Variants in WARS2 observed in about 807,000 individuals in gnomAD.
WARS2 encodes tryptophan--tRNA ligase, mitochondrial.
A neutral mutation model predicts 36.5 loss-of-function variants in WARS2; 28 were observed. That is an observed-to-expected ratio of 0.77 (90% CI 0.57 to 1.05). WARS2 has a LOEUF of 1.05. Among genes scored for constraint, WARS2 ranks in the 50% least tolerant of loss-of-function variants. The pLI, the probability that WARS2 is intolerant of heterozygous loss-of-function variation, is 0.00. For missense variants in WARS2, 435 were observed against 456.8 expected (o/e 0.95, Z 0.44); for synonymous variants, 174 against 178.4 (o/e 0.98, Z 0.20).
intron 1 of WARS2, among the ~76,000 whole-genome samples, chr1:119,102,342 C>T (rs981127929): frequency 2.0e-5 from 3 of 152,176 alleles, no homozygotes; most frequent in South Asian, 2.1e-4. Flanking sequence ...TCTATTTAAC[C>T]GGTAACCTCA....
At chr1:119,040,020 C>T (rs1351894795) in intron 4 of WARS2, among the ~76,000 whole-genome samples, 1 of 152,146 alleles carries the variant, frequency 6.6e-6, no homozygotes, top group African/African-American at 2.4e-5. Context: ...ATAAAAATAC[C>T]TTCAAGTGCT....
intron 3 of WARS2, among the ~76,000 whole-genome samples, chr1:119,042,655 G>A (rs1034789437): frequency 2.0e-5 from 3 of 151,634 alleles, no homozygotes; most frequent in Admixed American, 6.6e-5. Context: ...GTTCCAAATC[G>A]GATAAATTCC....
Position 119,045,624 on chromosome 1 carries a change from G to T in WARS2, c.387C>A (p.Cys129Ter). Residue 129 changes from cysteine (C) to a stop codon, truncating the protein, a stop_gained, in exon 3 of 6, where the codon TGC becomes TGA. Coordinates refer to ENST00000235521, the MANE Select transcript of WARS2 (RefSeq NM_015836.4). LOFTEE classifies it high-confidence loss of function. ...EHTQLSWILS[C>*]MVRLPRLQHL... ...GTTGTAATCGAGGTAGTCTGACCATGCAGGAAAGGATCCAACTTAATTGTG... is the reference window on the plus strand; with the variant it reads ...GTTGTAATCGAGGTAGTCTGACCATTCAGGAAAGGATCCAACTTAATTGTG... 6.3e-7 allele frequency: 1 copy of T among 1,594,882 alleles called. No homozygotes were observed. The highest frequency in any genetic ancestry group is 8.6e-7 in the Non-Finnish European group (1 of 1,167,628).
chr1:119,104,310 T>TG (rs1166557658), intron 1 of WARS2, among the ~76,000 whole-genome samples: 3 of 151,494 alleles, frequency 2.0e-5, no homozygotes, highest in Non-Finnish European at 4.4e-5. Context: ...AAACTTTGAC[T>TG]GGTGTCCTTG....
At chr1:119,068,856 CA>C (rs1427104818) in intron 2 of WARS2, among the ~76,000 whole-genome samples, 3 of 45,286 alleles carry the variant, frequency 6.6e-5, no homozygotes, top group African/African-American at 1.8e-4. Flanking sequence ...CACACACATA[CA>C]CACACACACA....
chr1:119,091,417 T>G (rs1402957746), intron 1 of WARS2, among the ~76,000 whole-genome samples: 1 of 152,198 alleles, frequency 6.6e-6, no homozygotes, highest in Non-Finnish European at 1.5e-5. Context: ...AGTGGAGCCA[T>G]GACTTGAACC....
At chr1:119,046,478 G>C (rs1436625840) in intron 2 of WARS2, among the ~76,000 whole-genome samples, 1 of 150,172 alleles carries the variant, frequency 6.7e-6, no homozygotes, top group African/African-American at 2.5e-5. Context: ...CTCCTGAGTA[G>C]CTGGGATTAC....
chr1:119,100,356 T>C (rs12065477), intron 1 of WARS2, among the ~76,000 whole-genome samples: 2,499 of 152,300 alleles, frequency 0.016, 77 homozygotes, highest in South Asian at 0.12. Flanking sequence ...TGGAAACTAG[T>C]ACAGCTTCTA....
chr1:119,088,564 A>G (rs587666200), intron 1 of WARS2, among the ~76,000 whole-genome samples: 1 of 152,226 alleles, frequency 6.6e-6, no homozygotes, highest in Non-Finnish European at 1.5e-5. Flanking sequence ...AATCATGTAT[A>G]GGCAGAGGCC....
chr1:119,086,882 T>C (rs587594444), intron 1 of WARS2, among the ~76,000 whole-genome samples: 5 of 152,240 alleles, frequency 3.3e-5, no homozygotes, highest in Non-Finnish European at 7.4e-5. Flanking sequence ...CTTTCTTCTG[T>C]AGAGTACTCC....
rs1326126368 is a variant in WARS2 at position 119,042,338 on chromosome 1, G to A, written c.441C>T (p.Thr147=). The change falls in exon 4 of 6, where the codon ACC becomes ACT. Residue 147 remains threonine, a synonymous_variant. Transcript: ENST00000235521. ...QHLHQWKAKT[T]KQKHDGTVGL... The stretch of plus-strand genomic sequence containing the variant: ...CCACCGTGCCATCGTGCTTCTGCTT[G>A]GTAGTCTTTGCCTGTGAGAGGTGAA... 1 of 1,613,668 alleles carries A rather than the reference G, an allele frequency of 6.2e-7. No individual in the cohort carries two copies. Among genetic ancestry groups the A allele is most frequent in the Non-Finnish European group, 8.5e-7 (1 of 1,179,814 alleles).
At chr1:119,058,307 C>T (rs898806417) in intron 2 of WARS2, among the ~76,000 whole-genome samples, 2 of 128,088 alleles carry the variant, frequency 1.6e-5, no homozygotes, top group South Asian at 2.4e-4. Flanking sequence ...TTCCCTATTT[C>T]TTTTTTTTTT....
At chr1:119,076,057 T>G (rs3804553) in intron 2 of WARS2, among the ~76,000 whole-genome samples, 7,106 of 152,232 alleles carry the variant, frequency 0.047, 285 homozygotes, top group East Asian at 0.19. Flanking sequence ...CAACCCAGCA[T>G]AGCAAAACAA....
At chr1:119,137,685 T>C (rs945036840) in intron 1 of WARS2, among the ~76,000 whole-genome samples, 2 of 152,210 alleles carry the variant, frequency 1.3e-5, no homozygotes, top group Non-Finnish European at 2.9e-5. Flanking sequence ...CCTCTGACTT[T>C]ATGACTACGC....
chr1:119,095,930 G>A (rs6701378), intron 1 of WARS2, among the ~76,000 whole-genome samples: 58,285 of 151,898 alleles, frequency 0.38, 11,697 homozygotes, highest in African/African-American at 0.47. Context: ...TGACACAATC[G>A]AGTACTTAGT....
At chr1:119,102,074 G>A (rs879819717) in intron 1 of WARS2, among the ~76,000 whole-genome samples, 5 of 150,846 alleles carry the variant, frequency 3.3e-5, no homozygotes, top group Non-Finnish European at 7.4e-5. Flanking sequence ...GGGGGTTGGG[G>A]GGGTGGGCAA....
intron 1 of WARS2, among the ~76,000 whole-genome samples, chr1:119,100,950 C>A (rs1653813930): frequency 6.6e-6 from 1 of 152,076 alleles, no homozygotes; most frequent in African/African-American, 2.4e-5. Context: ...TGAAATAAGC[C>A]AGGCACCAAA....
chr1:119,109,673 G>A (rs1654493874), intron 1 of WARS2, among the ~76,000 whole-genome samples: 2 of 151,580 alleles, frequency 1.3e-5, no homozygotes, highest in South Asian at 4.2e-4. Context: ...TCTTTTAAAT[G>A]GTATATTTAA....
chr1:119,131,619 C>T (rs1452678526), intron 1 of WARS2, among the ~76,000 whole-genome samples: 6 of 152,052 alleles, frequency 3.9e-5, no homozygotes, highest in South Asian at 2.1e-4. Context: ...CCCGCCACCA[C>T]GCCCGGCTAA....
Sources: allele counts gnomAD v4.1 joint callset (sites outside exome capture counted in the v4.1 genomes callset), GRCh38; gene constraint gnomAD v4.1.1; transcripts MANE v1.5; gene names NCBI Gene and HGNC (gene_info 2026-07-23, HGNC 2026-07-21).